DMD: variants seen among roughly 807,000 people sequenced by gnomAD.
DMD encodes mutant dystrophin.
In DMD, 63 loss-of-function variants were observed where a neutral mutation model predicts 330.1. The ratio of observed to expected loss-of-function variants is 0.19; its 90% confidence interval spans 0.16 to 0.24. The LOEUF (loss-of-function observed/expected upper bound fraction) is 0.24, where lower values mean the gene tolerates loss of function less well. Among genes scored for constraint, DMD ranks in the 10% least tolerant of loss-of-function variants. The pLI is 1.00. For synonymous variants in DMD, 1,223 were observed against 959.8 expected (o/e 1.27, Z -5.07); for missense variants, 3,344 against 2,684.1 (o/e 1.25, Z -5.43).
intron 12 of DMD, among the ~76,000 whole-genome samples, chrX:32,614,077 T>G (rs1243036807): frequency 9.0e-6 from 1 of 110,929 alleles, no homozygotes; most frequent in Non-Finnish European, 1.9e-5. Flanking sequence ...TTATTCACCC[T>G]TAAATATTCC....
intron 44 of DMD, among the ~76,000 whole-genome samples, chrX:32,085,605 T>TATATATATACGTATATATATAC (rs1184784241): frequency 2.1e-5 from 2 of 96,996 alleles, no homozygotes; most frequent in African/African-American, 8.2e-5. Context: ...TGTATATATG[T>TATATATATACGTATATATATAC]GTATATATAT....
At chrX:32,198,779 T>C (rs2097018806) in intron 44 of DMD, among the ~76,000 whole-genome samples, 1 of 112,026 alleles carries the variant, frequency 8.9e-6, no homozygotes, top group South Asian at 3.7e-4. Context: ...ATTATGAATT[T>C]TCTTTGTACT....
chrX:32,702,314 T>A (rs1327929580), intron 7 of DMD, among the ~76,000 whole-genome samples: 1 of 111,848 alleles, frequency 8.9e-6, no homozygotes, highest in Non-Finnish European at 1.9e-5. Flanking sequence ...TCTCTTTAAA[T>A]AGGAAACTGA....
At chrX:33,209,517 T>G (rs1188864222) in intron 1 of DMD, among the ~76,000 whole-genome samples, 3 of 112,027 alleles carry the variant, frequency 2.7e-5, no homozygotes, top group Admixed American at 9.5e-5. Flanking sequence ...AAAGGGTAAC[T>G]GTTTTGGTTA....
At chrX:31,785,611 C>T (rs1315208305) in intron 50 of DMD, among the ~76,000 whole-genome samples, 1 of 110,251 alleles carries the variant, frequency 9.1e-6, no homozygotes, top group Non-Finnish European at 1.9e-5. Flanking sequence ...CTCTGCCCCC[C>T]AATCCCCCAA....
intron 77 of DMD, among the ~76,000 whole-genome samples, chrX:31,133,002 C>T (rs1045586409): frequency 1.8e-5 from 2 of 112,055 alleles, no homozygotes; most frequent in East Asian, 2.8e-4. Context: ...TCCTTAGCAA[C>T]GCTCTACCAG....
At chrX:32,602,635 G>C (rs1004254607) in intron 12 of DMD, among the ~76,000 whole-genome samples, 6 of 111,388 alleles carry the variant, frequency 5.4e-5, no homozygotes, top group African/African-American at 2.0e-4. Context: ...AACTACAGGA[G>C]TAATGGTGAT....
intron 17 of DMD, among the ~76,000 whole-genome samples, chrX:32,535,751 G>T (rs149265250): frequency 7.2e-5 from 8 of 111,195 alleles, no homozygotes; most frequent in Non-Finnish European, 1.5e-4. Flanking sequence ...CAGTGATTTT[G>T]TTTTTCTGAC....
intron 47 of DMD, among the ~76,000 whole-genome samples, chrX:31,918,388 G>A (rs988076269): frequency 3.6e-5 from 4 of 111,076 alleles, no homozygotes; most frequent in African/African-American, 1.3e-4. Flanking sequence ...TGCAAGTTTA[G>A]TGATCTTTCC....
chrX:32,620,569 G>A (rs1021105065), intron 11 of DMD, among the ~76,000 whole-genome samples: 1 of 112,035 alleles, frequency 8.9e-6, no homozygotes, highest in African/African-American at 3.2e-5. Context: ...ATTTTTATGA[G>A]AAACAACAGA....
intron 47 of DMD, among the ~76,000 whole-genome samples, chrX:31,928,627 G>C (rs2094813068): frequency 9.1e-6 from 1 of 110,211 alleles, no homozygotes; most frequent in South Asian, 4.0e-4. Flanking sequence ...AAAAAAAATT[G>C]GGGGTGGGGC....
At chrX:32,780,902 T>G (rs1396916457) in intron 7 of DMD, among the ~76,000 whole-genome samples, 1 of 106,713 alleles carries the variant, frequency 9.4e-6, no homozygotes, top group Non-Finnish European at 1.9e-5. Context: ...CCATCCTGGC[T>G]AACACAGTGA....
rs893202470 is a variant in DMD at position 31,181,580 on chromosome X, G to A, written c.9975-1099C>T. ...TATCATTTTTACCTGCCAAGAAACCGGGAAGGAAAGAAGGTGACCTTTGCA... is the reference window on the plus strand; with the variant it reads ...TATCATTTTTACCTGCCAAGAAACCAGGAAGGAAAGAAGGTGACCTTTGCA... On this transcript the variant is annotated intron_variant, in intron 68 of 78. Transcript: ENST00000357033. Among the ~76,000 whole-genome samples, 42 of 111,496 alleles carry A rather than the reference G, an allele frequency of 3.8e-4. 1 individual carries two copies. The highest frequency in any genetic ancestry group is 1.8e-3 in the Admixed American group (19 of 10,481).
At chrX:32,346,736 G>A (rs1157778208) in intron 38 of DMD, among the ~76,000 whole-genome samples, 2 of 111,545 alleles carry the variant, frequency 1.8e-5, no homozygotes, top group African/African-American at 6.5e-5. Context: ...ATATGGACTG[G>A]AAAATGGCTT....
At chrX:31,848,605 C>T (rs767911403) in intron 48 of DMD, among the ~76,000 whole-genome samples, 18 of 110,519 alleles carry the variant, frequency 1.6e-4, no homozygotes, top group Middle Eastern at 4.7e-3. Flanking sequence ...CCTTATGATA[C>T]GAGGAGAGTT....
At chrX:32,404,503 G>T (rs1468023764) in intron 30 of DMD, among the ~76,000 whole-genome samples, 2 of 111,470 alleles carry the variant, frequency 1.8e-5, no homozygotes, top group Non-Finnish European at 3.8e-5. Context: ...AAATAGAACA[G>T]TAAAGCTACT....
intron 1 of DMD, among the ~76,000 whole-genome samples, chrX:33,087,233 G>A (rs931471758): frequency 2.7e-5 from 3 of 112,042 alleles, no homozygotes; most frequent in African/African-American, 9.7e-5. Flanking sequence ...AATTAAAGTT[G>A]TTATTTAAAA....
intron 44 of DMD, among the ~76,000 whole-genome samples, chrX:32,026,802 G>T (rs2147201556): frequency 8.9e-6 from 1 of 111,968 alleles, no homozygotes; most frequent in East Asian, 2.8e-4. Context: ...ATTCCCATCT[G>T]CAAACAGCTT....
intron 44 of DMD, among the ~76,000 whole-genome samples, chrX:32,017,665 A>G (rs2095773984): frequency 8.9e-6 from 1 of 111,881 alleles, no homozygotes; most frequent in Non-Finnish European, 1.9e-5. Context: ...TAGCGCCAGA[A>G]GTATATCCAA....
Sources: gnomAD v4.1 joint callset for allele counts (sites outside exome capture counted in the v4.1 genomes callset) on GRCh38, gnomAD v4.1.1 for gene constraint, MANE v1.5 for transcripts, NCBI Gene and HGNC (gene_info 2026-07-23, HGNC 2026-07-21) for gene names.